Variants in SOX5 observed in about 807,000 individuals in gnomAD.
SOX5 encodes SRY-box transcription factor 5, also known as transcription factor SOX-5.
SOX5 carries 9 observed loss-of-function variants against 92.0 expected under a neutral mutation model. That is an observed-to-expected ratio of 0.10 (90% CI 0.06 to 0.17). The LOEUF (loss-of-function observed/expected upper bound fraction) is 0.17, where lower values mean the gene tolerates loss of function less well. Ranked by LOEUF, SOX5 falls within the 10% of genes least tolerant of loss-of-function variation. SOX5 has a pLI of 1.00. For missense variants in SOX5, 642 were observed against 944.5 expected (o/e 0.68, Z 4.20); for synonymous variants, 344 against 336.3 (o/e 1.02, Z -0.25).
rs1483393384 is a variant in SOX5, at chr12:24,340,526, GT to G, written c.-174+28036del. 2.6e-5 allele frequency among the ~76,000 whole-genome samples: 4 copies of G among 152,342 alleles called. No individual in the cohort carries two copies. In the South Asian group the frequency reaches 8.3e-4, roughly 32 times the overall value. Reference sequence around the variant, plus strand: ...TCTGGGAGCTAAAGCTGTTGAGCAAGTTTCTGAAGCTGGTGTGAACCAGCAG... The same window carrying G: ...TCTGGGAGCTAAAGCTGTTGAGCAAGTTCTGAAGCTGGTGTGAACCAGCAG... On this transcript the variant is annotated intron_variant, in intron 2 of 4. Transcript: ENST00000446891.
intron 11 of SOX5, among the ~76,000 whole-genome samples, chr12:23,556,139 A>C (rs1360660503): frequency 6.6e-6 from 1 of 152,190 alleles, no homozygotes; most frequent in African/African-American, 2.4e-5. Context: ...AGTGTTCCCT[A>C]GCTAAGATAC....
At chr12:23,888,028 GAA>G (rs1278756630) in intron 2 of SOX5, among the ~76,000 whole-genome samples, 1 of 151,676 alleles carries the variant, frequency 6.6e-6, no homozygotes, top group African/African-American at 2.4e-5. Flanking sequence ...CCACAAATGA[GAA>G]ACTTTTCAAC....
At chr12:23,580,111 A>G (rs1379835579) in intron 9 of SOX5, among the ~76,000 whole-genome samples, 1 of 152,100 alleles carries the variant, frequency 6.6e-6, no homozygotes, top group African/African-American at 2.4e-5. Flanking sequence ...TATAATTTAC[A>G]TTTATAGGGT....
In SOX5 at chr12:24,253,533, G is replaced by A. The variant is rs1052165174; in HGVS notation, c.-77+23683C>T. 5.3e-5 allele frequency among the ~76,000 whole-genome samples: 8 copies of A among 152,158 alleles called. No individual in the cohort carries two copies. In the East Asian group the frequency reaches 1.5e-3, roughly 29 times the overall value. The stretch of plus-strand genomic sequence containing the variant: ...AAAGATGGAAACGGCAAAACAAAAG[G>A]AAAACAAGAGCATAGTTACTATTTG... On this transcript the variant is annotated intron_variant, in intron 3 of 4. Coordinates refer to the SOX5 transcript ENST00000446891.
intron 1 of SOX5, among the ~76,000 whole-genome samples, chr12:24,527,244 C>T (rs1263960456): frequency 1.3e-5 from 2 of 152,202 alleles, no homozygotes; most frequent in African/African-American, 4.8e-5. Flanking sequence ...GAGCTAGCTA[C>T]TGGGAGAGTT....
intron 4 of SOX5, among the ~76,000 whole-genome samples, chr12:24,094,693 A>C: frequency 6.6e-6 from 1 of 152,082 alleles, no homozygotes. Context: ...TCCCATATGG[A>C]TAACCAATTG....
intron 1 of SOX5, among the ~76,000 whole-genome samples, chr12:24,381,069 C>T (rs965241133): frequency 4.6e-5 from 7 of 152,120 alleles, no homozygotes; most frequent in African/African-American, 1.7e-4. Context: ...GTGTGGCCTA[C>T]GGAGGGCATG....
At chr12:23,834,306 ATAAAG>A (rs1233695840) in intron 3 of SOX5, among the ~76,000 whole-genome samples, 1 of 151,960 alleles carries the variant, frequency 6.6e-6, no homozygotes, top group African/African-American at 2.4e-5. Context: ...GTGGTGGAAA[ATAAAG>A]TTAAGGGAGA....
At chr12:23,717,913 A>G (rs2092601602) in intron 6 of SOX5, among the ~76,000 whole-genome samples, 2 of 152,166 alleles carry the variant, frequency 1.3e-5, no homozygotes, top group African/African-American at 4.8e-5. Context: ...CTTTTCATGT[A>G]TTTTCTTGAT....
intron 4 of SOX5, among the ~76,000 whole-genome samples, chr12:24,142,377 A>C (rs1950667949): frequency 6.6e-6 from 1 of 152,160 alleles, no homozygotes; most frequent in Non-Finnish European, 1.5e-5. Context: ...TGTATACTTC[A>C]AAGAGACACA....
chr12:24,443,185 C>T (rs1940925060), intron 1 of SOX5, among the ~76,000 whole-genome samples: 1 of 152,126 alleles, frequency 6.6e-6, no homozygotes, highest in Non-Finnish European at 1.5e-5. Context: ...CTCCTGAGCT[C>T]AGGCAATCTG....
chr12:24,066,478 A>G (rs1940767458), intron 4 of SOX5, among the ~76,000 whole-genome samples: 1 of 152,188 alleles, frequency 6.6e-6, no homozygotes. Context: ...TGAAAAAATC[A>G]TCTTTAGAAG....
At chr12:24,040,093 C>T (rs149881996) in intron 4 of SOX5, among the ~76,000 whole-genome samples, 137 of 152,102 alleles carry the variant, frequency 9.0e-4, no homozygotes, top group African/African-American at 3.2e-3. Context: ...TTTCATTGTC[C>T]TGGTTCAATT....
intron 4 of SOX5, among the ~76,000 whole-genome samples, chr12:23,960,704 A>G (rs1946831148): frequency 6.6e-6 from 1 of 151,622 alleles, no homozygotes; most frequent in Non-Finnish European, 1.5e-5. Flanking sequence ...ATTGATATAT[A>G]TTAAGCGAAA....
chr12:23,548,586 T>G (rs1329615348), intron 11 of SOX5, among the ~76,000 whole-genome samples: 1 of 151,978 alleles, frequency 6.6e-6, no homozygotes, highest in African/African-American at 2.4e-5. Context: ...ATGTGAGGTA[T>G]GCCTTTAATT....
chr12:23,818,236 C>G (rs1044598970), intron 3 of SOX5, among the ~76,000 whole-genome samples: 5 of 152,180 alleles, frequency 3.3e-5, no homozygotes, highest in Non-Finnish European at 5.9e-5. Context: ...ACAGACCCAG[C>G]TGGTATGTAG....
chr12:23,806,848 G>A (rs1475552663), intron 3 of SOX5, among the ~76,000 whole-genome samples: 1 of 152,154 alleles, frequency 6.6e-6, no homozygotes, highest in African/African-American at 2.4e-5. Context: ...ACAATAGGCA[G>A]GATCAGCATC....
intron 6 of SOX5, among the ~76,000 whole-genome samples, chr12:23,715,924 T>A (rs1339818640): frequency 6.6e-6 from 1 of 151,278 alleles, no homozygotes; most frequent in Admixed American, 6.6e-5. Flanking sequence ...TCATTAGTAA[T>A]AAATCTTATT....
At chr12:23,800,139 A>G (rs1337020618) in intron 3 of SOX5, among the ~76,000 whole-genome samples, 1 of 152,092 alleles carries the variant, frequency 6.6e-6, no homozygotes, top group Non-Finnish European at 1.5e-5. Context: ...TCTACCAGCT[A>G]TGAAAACAGT....
Sources: gnomAD v4.1 joint callset for allele counts (sites outside exome capture counted in the v4.1 genomes callset) on GRCh38, gnomAD v4.1.1 for gene constraint, MANE v1.5 for transcripts, NCBI Gene and HGNC (gene_info 2026-07-23, HGNC 2026-07-21) for gene names.